The following CCDC63 variants were observed in gnomAD, a reference collection of about 807,000 sequenced individuals.
CCDC63 encodes coiled-coil domain-containing protein 63.
In CCDC63, 54 loss-of-function variants were observed where a neutral mutation model predicts 63.6. The ratio of observed to expected loss-of-function variants is 0.85; its 90% CI spans 0.68 to 1.07. The LOEUF (loss-of-function observed/expected upper bound fraction) is 1.07. Among genes scored for constraint, CCDC63 ranks in the 50% least tolerant of loss-of-function variants. The pLI, the probability that CCDC63 is intolerant of heterozygous loss-of-function variation, is 0.00. For synonymous variants in CCDC63, 253 were observed against 266.1 expected, an observed-to-expected ratio of 0.95 and a Z score of 0.48; for missense variants, 637 against 689.6, an observed-to-expected ratio of 0.92 and a Z score of 0.86.
intron 7 of CCDC63, among the ~76,000 whole-genome samples, chr12:110,883,332 G>A (rs1336587587): frequency 1.3e-5 from 2 of 152,006 alleles, no homozygotes; most frequent in Admixed American, 6.6e-5. Flanking sequence ...CACTGCACCC[G>A]GCCTAATTTT....
chr12:110,905,084 C>A (rs1288856947), intron 11 of CCDC63, among the ~76,000 whole-genome samples: 1 of 151,990 alleles, frequency 6.6e-6, no homozygotes, highest in African/African-American at 2.4e-5. Context: ...TTAAAATGAA[C>A]CTTAAAATAT....
intron 5 of CCDC63, among the ~76,000 whole-genome samples, chr12:110,879,548 A>G (rs1291228843): frequency 6.6e-6 from 1 of 152,114 alleles, no homozygotes; most frequent in Admixed American, 6.5e-5. Flanking sequence ...GTCCAAGTCA[A>G]TTGTCCTGTA....
intron 4 of CCDC63, among the ~76,000 whole-genome samples, chr12:110,871,323 A>C (rs1343626140): frequency 6.6e-6 from 1 of 151,898 alleles, no homozygotes; most frequent in African/African-American, 2.4e-5. Context: ...TTGTATTTTT[A>C]GTAGAGACAG....
At chr12:110,858,398 G>A (rs2070806285) in intron 3 of CCDC63, among the ~76,000 whole-genome samples, 188 bp from the exon 4 acceptor site, 1 of 152,088 alleles carries the variant, frequency 6.6e-6, no homozygotes, top group South Asian at 2.1e-4. Flanking sequence ...AGGAAATCAT[G>A]GTGAACCAGG....
chr12:110,883,916 A>G lies in CCDC63; in HGVS notation c.854-114A>G, dbSNP rs183295206. On this transcript the variant is annotated intron_variant, in intron 7 of 11. Transcript: ENST00000308208. ...CGGCTTCCCAAAGTGTTGGGATTAC[A>G]GGCGTGAGTCACCATGCCTGGCCAC... 4.0e-4 allele frequency: 326 copies of G among 821,524 alleles called. 2 individuals are homozygous for G. The African/African-American group carries it at 4.8e-3, about 12-fold the overall frequency. The allele number at this position is 821,524 out of a possible 1,614,324, so 50.9% of individuals were successfully genotyped here.
At chr12:110,865,071 A>G (rs1321379671) in intron 4 of CCDC63, among the ~76,000 whole-genome samples, 1 of 152,148 alleles carries the variant, frequency 6.6e-6, no homozygotes, top group African/African-American at 2.4e-5. Flanking sequence ...TCCCTTCCCA[A>G]TAGAGAGGCC....
Position 110,907,428 on chromosome 12 carries a change from G to C in CCDC63, c.1644G>C (p.Leu548=). The change falls in exon 12 of 12, where the codon CTG becomes CTC. Residue 548 remains leucine, a synonymous_variant. Coordinates refer to ENST00000308208, the MANE Select transcript of CCDC63 (RefSeq NM_152591.3). The surrounding 1 kb of genome is among the most constrained non-coding windows in gnomAD (Gnocchi z 4.4). ...GTAAGGAAGTGCGCGGAGACAGCCT[G>C]CCTGAGAAGGTGGATGACTTCAGAT... ...NRSKEVRGDS[L]PEKVDDFRSR... 6.2e-7 allele frequency: 1 copy of C among 1,614,188 alleles called. No homozygotes were observed. The highest frequency in any genetic ancestry group is 8.5e-7 in the Non-Finnish European group (1 of 1,180,034).
intron 4 of CCDC63, among the ~76,000 whole-genome samples, chr12:110,865,807 T>G (rs940664428): frequency 6.6e-6 from 1 of 152,218 alleles, no homozygotes; most frequent in African/African-American, 2.4e-5. Context: ...GCTTTCCAGA[T>G]AGATGACCTA....
intron 4 of CCDC63, among the ~76,000 whole-genome samples, chr12:110,867,228 C>T (rs2070971102): frequency 8.0e-6 from 1 of 124,722 alleles, no homozygotes; most frequent in Non-Finnish European, 1.7e-5. Context: ...GGGGGGCCGA[C>T]CCCCCCACCT....
intron 8 of CCDC63, among the ~76,000 whole-genome samples, chr12:110,885,871 GAATT>G (rs1306842521): frequency 6.6e-6 from 1 of 152,208 alleles, no homozygotes; most frequent in Non-Finnish European, 1.5e-5. Context: ...TACTAGTGAT[GAATT>G]AATTTTTAAA....
chr12:110,884,447 T>C (rs1043045463), intron 8 of CCDC63, among the ~76,000 whole-genome samples, 197 bp downstream of exon 8: 1 of 151,784 alleles, frequency 6.6e-6, no homozygotes, highest in African/African-American at 2.4e-5. Context: ...TAGTGCGATA[T>C]TGGCTCACTG....
chr12:110,901,896 T>C, intron 10 of CCDC63, among the ~76,000 whole-genome samples: 1 of 152,110 alleles, frequency 6.6e-6, no homozygotes, highest in East Asian at 1.9e-4. Context: ...AATGGCATGA[T>C]CTCAGCTCAC....
chr12:110,879,839 T>G lies in CCDC63; in HGVS notation c.490-67T>G, dbSNP rs1039147864. The G allele has an allele frequency of 1.3e-5, 19 of 1,505,142 alleles. No homozygotes were observed. In the African/African-American group the frequency reaches 2.6e-4, roughly 21 times the overall value. The allele number at this position is 1,505,142 out of a possible 1,614,324, so 93.2% of individuals were successfully genotyped here. A position where few individuals can be genotyped will look rare whatever the true frequency, so the allele number is the denominator to read the frequency against. On this transcript the variant is annotated intron_variant, in intron 5 of 11. Coordinates refer to ENST00000308208, the MANE Select transcript of CCDC63 (RefSeq NM_152591.3). Reference sequence around the variant, plus strand: ...GGCAAAGACCTGACAGCCTTCCAGGTGCCTTCTGGTAGCTTATCTTACAAA... The same window carrying G: ...GGCAAAGACCTGACAGCCTTCCAGGGGCCTTCTGGTAGCTTATCTTACAAA...
chr12:110,895,034 C>A (rs1367461227), intron 9 of CCDC63, among the ~76,000 whole-genome samples: 2 of 151,944 alleles, frequency 1.3e-5, no homozygotes, highest in Non-Finnish European at 2.9e-5. Context: ...CCTGCCTCCG[C>A]CCCCGAGTAG....
Position 110,889,143 on chromosome 12 carries a change from A to G in CCDC63, c.1075-3933A>G, listed in dbSNP as rs1395311089. 6.6e-6 allele frequency among the ~76,000 whole-genome samples: 1 copy of G among 152,130 alleles called. No homozygotes were observed. Among genetic ancestry groups the G allele is most frequent in the Non-Finnish European group, 1.5e-5 (1 of 68,042 alleles). On this transcript the variant is annotated intron_variant, in intron 8 of 11. Transcript: ENST00000308208. The surrounding 1 kb of genome is among the most constrained non-coding windows in gnomAD (Gnocchi z 4.1). Reference sequence around the variant, plus strand: ...TAGTTATTATCATATAAAGTTGTGTATCTGATTGAAGCAAATGTCCTTTTG... The same window carrying G: ...TAGTTATTATCATATAAAGTTGTGTGTCTGATTGAAGCAAATGTCCTTTTG...
chr12:110,890,068 G>A (rs1010919914), intron 8 of CCDC63, among the ~76,000 whole-genome samples: 2 of 151,918 alleles, frequency 1.3e-5, no homozygotes, highest in South Asian at 2.1e-4. Flanking sequence ...CGAGGTGGGC[G>A]GATCACTTGA....
intron 4 of CCDC63, among the ~76,000 whole-genome samples, chr12:110,865,603 A>G (rs575831114): frequency 6.6e-6 from 1 of 152,370 alleles, no homozygotes; most frequent in African/African-American, 2.4e-5. Flanking sequence ...TTTTCATAGA[A>G]CAACCGTTAA....
intron 7 of CCDC63, among the ~76,000 whole-genome samples, chr12:110,882,145 C>T (rs1052585010): frequency 6.6e-6 from 1 of 152,184 alleles, no homozygotes; most frequent in Admixed American, 6.5e-5. Flanking sequence ...GGAAACTGGG[C>T]GCAAGCTTCC....
At chr12:110,897,128 C>T (rs1211909385) in intron 9 of CCDC63, among the ~76,000 whole-genome samples, 1 of 152,054 alleles carries the variant, frequency 6.6e-6, no homozygotes, top group Non-Finnish European at 1.5e-5. Flanking sequence ...AATATTAGAA[C>T]ACATAATAAA....
Sources: allele counts gnomAD v4.1 joint callset (sites outside exome capture counted in the v4.1 genomes callset), GRCh38; gene constraint gnomAD v4.1.1; non-coding constraint Gnocchi (gnomAD v3.1); transcripts MANE v1.5; gene names NCBI Gene and HGNC (gene_info 2026-07-23, HGNC 2026-07-21).